The following HS6ST1 variants were observed in gnomAD, a reference collection of about 807,000 sequenced individuals.
HS6ST1 encodes heparan-sulfate 6-O-sulfotransferase 1.
A neutral mutation model predicts 25.2 loss-of-function variants in HS6ST1; 3 were observed. The ratio of observed to expected loss-of-function variants is 0.12; its 90% confidence interval spans 0.05 to 0.31. The LOEUF (loss-of-function observed/expected upper bound fraction) is 0.31. HS6ST1 is among the 10% of genes least tolerant of loss of function. The pLI, the probability that HS6ST1 is intolerant of heterozygous loss-of-function variation, is 1.00. For missense variants in HS6ST1, 310 were observed against 609.6 expected, an observed-to-expected ratio of 0.51 and a Z score of 5.18; for synonymous variants, 204 against 275.1, an observed-to-expected ratio of 0.74 and a Z score of 2.56.
intron 1 of HS6ST1, among the ~76,000 whole-genome samples, chr2:128,275,407 G>A (rs925854879): frequency 2.0e-5 from 3 of 152,170 alleles, no homozygotes; most frequent in Non-Finnish European, 4.4e-5. Context: ...AGCACTATAT[G>A]TTATTTAGAA....
rs1293186030 is a variant in HS6ST1 at position 128,265,689 on chromosome 2, A to G, written c.*2473T>C. On this transcript the variant is annotated 3_prime_UTR_variant, in exon 2 of 2. Coordinates refer to ENST00000259241, the MANE Select transcript of HS6ST1 (RefSeq NM_004807.3). ...AAGTTAAACAGTTCCAGTTCCCGAA[A>G]AGTTCACAGCCTTGTTTTGTGGGCA... The G allele has an allele frequency of 6.6e-6, 1 of 152,122 alleles. No homozygotes were observed. The highest frequency in any genetic ancestry group is 1.5e-5 in the Non-Finnish European group (1 of 68,018). The allele number at this position is 152,122 out of a possible 1,614,324, so 9.4% of individuals were successfully genotyped here. A position where few individuals can be genotyped will look rare whatever the true frequency, so the allele number is the denominator to read the frequency against.
At chr2:128,296,465 A>C (rs1174466444) in intron 1 of HS6ST1, among the ~76,000 whole-genome samples, 1 of 152,244 alleles carries the variant, frequency 6.6e-6, no homozygotes, top group Non-Finnish European at 1.5e-5. Context: ...GATAATGCTA[A>C]AGAATCCACT....
At chr2:128,269,657 C>T (rs368290537) in intron 1 of HS6ST1, among the ~76,000 whole-genome samples, 33 of 152,266 alleles carry the variant, frequency 2.2e-4, no homozygotes, top group African/African-American at 5.3e-4. Flanking sequence ...GGCTCAGCCC[C>T]GGGAGAGGCT....
intron 1 of HS6ST1, among the ~76,000 whole-genome samples, chr2:128,304,564 A>G (rs1181504033): frequency 2.6e-5 from 1 of 38,478 alleles, no homozygotes; most frequent in Admixed American, 3.8e-4. Flanking sequence ...GACTCCAGAA[A>G]GGTCCCTGGG....
At chr2:128,287,608 C>G (rs1054373937) in intron 1 of HS6ST1, among the ~76,000 whole-genome samples, 2 of 152,218 alleles carry the variant, frequency 1.3e-5, no homozygotes, top group Non-Finnish European at 2.9e-5. Flanking sequence ...CAGCTAGAGA[C>G]GCCGGGTCCA....
intron 1 of HS6ST1, among the ~76,000 whole-genome samples, chr2:128,301,751 T>C (rs557215454): frequency 1.1e-4 from 16 of 152,256 alleles, no homozygotes; most frequent in African/African-American, 2.6e-4. Context: ...CAGGGGTACA[T>C]GTGTGCTGGT....
At chr2:128,299,881 G>A (rs1694097757) in intron 1 of HS6ST1, among the ~76,000 whole-genome samples, 1 of 152,208 alleles carries the variant, frequency 6.6e-6, no homozygotes, top group Admixed American at 6.5e-5. Flanking sequence ...AGCAGACGGA[G>A]GAAACACAGC....
At chr2:128,310,328 C>T (rs1289331804) in intron 1 of HS6ST1, among the ~76,000 whole-genome samples, 1 of 152,204 alleles carries the variant, frequency 6.6e-6, no homozygotes, top group Non-Finnish European at 1.5e-5. Context: ...GGGCCCCAGC[C>T]CCAGCCCCAG....
chr2:128,302,241 G>C (rs750871340), intron 1 of HS6ST1, among the ~76,000 whole-genome samples: 12 of 152,304 alleles, frequency 7.9e-5, no homozygotes, highest in East Asian at 5.8e-4. Flanking sequence ...CTCACTGGCC[G>C]CCTGCTAAAC....
chr2:128,270,877 A>G (rs1286754194), intron 1 of HS6ST1, among the ~76,000 whole-genome samples: 2 of 152,220 alleles, frequency 1.3e-5, no homozygotes, highest in Non-Finnish European at 2.9e-5. Context: ...TCTGGCCCCA[A>G]GGGTGACTCT....
At chr2:128,272,494 G>C (rs1693623366) in intron 1 of HS6ST1, among the ~76,000 whole-genome samples, 1 of 152,216 alleles carries the variant, frequency 6.6e-6, no homozygotes, top group African/African-American at 2.4e-5. Flanking sequence ...CACGGGTGGG[G>C]GTGGCAGCAG....
rs562462688 is a variant in HS6ST1 at position 128,315,667 on chromosome 2, G to T, written c.527+2370C>A. On this transcript the variant is annotated intron_variant, in intron 1 of 1. Coordinates refer to ENST00000259241, the MANE Select transcript of HS6ST1 (RefSeq NM_004807.3). ...GAGTTGCTGGGTCCCTGGGCAGATG[G>T]GGGAAGTGCATCCCAACCGCCACAG... 5.3e-5 allele frequency among the ~76,000 whole-genome samples: 8 copies of T among 152,296 alleles called. No homozygotes were observed. In the South Asian group the frequency reaches 1.7e-3, roughly 32 times the overall value.
At chr2:128,314,439 C>T (rs1344275676) in intron 1 of HS6ST1, among the ~76,000 whole-genome samples, 2 of 152,134 alleles carry the variant, frequency 1.3e-5, no homozygotes, top group East Asian at 1.9e-4. Flanking sequence ...GCAGTCGAGG[C>T]GCCTAAGGCA....
chr2:128,292,219 G>A (rs1693964018), intron 1 of HS6ST1, among the ~76,000 whole-genome samples: 1 of 152,204 alleles, frequency 6.6e-6, no homozygotes, highest in Non-Finnish European at 1.5e-5. Context: ...GTGGGGAGAG[G>A]GATCCCCAGA....
rs572338785 is a variant in HS6ST1, at chr2:128,272,179, G to A, written c.528-3309C>T. 7.9e-5 allele frequency among the ~76,000 whole-genome samples: 12 copies of A among 152,310 alleles called. No individual in the cohort carries two copies. In the South Asian group the frequency reaches 8.3e-4, roughly 11 times the overall value. The stretch of plus-strand genomic sequence containing the variant: ...GCCTCTGCCGTGGAGGGGCTGGAGC[G>A]TCTACCTGCTGCCCTCCCGATGTGG... On this transcript the variant is annotated intron_variant, in intron 1 of 1. Transcript: ENST00000259241.
intron 1 of HS6ST1, among the ~76,000 whole-genome samples, chr2:128,304,101 A>T (rs1694172563): frequency 6.6e-6 from 1 of 152,200 alleles, no homozygotes; most frequent in South Asian, 2.1e-4. Flanking sequence ...GCCTTGGACT[A>T]AGCCTGCTCG....
intron 1 of HS6ST1, among the ~76,000 whole-genome samples, chr2:128,287,473 G>A (rs907638277): frequency 1.3e-5 from 2 of 152,228 alleles, no homozygotes; most frequent in Non-Finnish European, 2.9e-5. Flanking sequence ...GAGCCGGGAT[G>A]TGAGGCTTAG....
chr2:128,314,063 C>T (rs1258453329), intron 1 of HS6ST1, among the ~76,000 whole-genome samples: 2 of 152,164 alleles, frequency 1.3e-5, no homozygotes, highest in African/African-American at 4.8e-5. Flanking sequence ...GTGACACCCC[C>T]AGCCTGGTCC....
At chr2:128,273,597 G>A (rs1465737479) in intron 1 of HS6ST1, among the ~76,000 whole-genome samples, 1 of 152,200 alleles carries the variant, frequency 6.6e-6, no homozygotes, top group Non-Finnish European at 1.5e-5. Context: ...CCTCCCCTCT[G>A]CCTTGTCCCC....
Sources: allele counts gnomAD v4.1 joint callset (sites outside exome capture counted in the v4.1 genomes callset), GRCh38; gene constraint gnomAD v4.1.1; transcripts MANE v1.5; gene names NCBI Gene and HGNC (gene_info 2026-07-23, HGNC 2026-07-21).